Variants in WDR7 observed in about 807,000 individuals in gnomAD.
WDR7 encodes WD repeat domain 7, also known as WD repeat-containing protein 7.
In WDR7, 46 loss-of-function variants were observed where a neutral mutation model predicts 169.4. The observed-to-expected ratio is 0.27, with a 90% CI of 0.21 to 0.35. The LOEUF is 0.35. WDR7 is among the 10% of genes least tolerant of loss of function. The pLI is 1.00. For synonymous variants in WDR7, 612 were observed against 666.8 expected, an observed-to-expected ratio of 0.92 and a Z score of 1.27; for missense variants, 1,534 against 1,859.3, an observed-to-expected ratio of 0.83 and a Z score of 3.22.
intron 20 of WDR7, among the ~76,000 whole-genome samples, chr18:56,850,344 C>T (rs1294647595): frequency 6.6e-6 from 1 of 152,068 alleles, no homozygotes; most frequent in Non-Finnish European, 1.5e-5. Context: ...GCTGTGTAAC[C>T]CCATTCCATA....
chr18:56,701,245 T>C (rs1421682811), intron 12 of WDR7, among the ~76,000 whole-genome samples: 1 of 152,220 alleles, frequency 6.6e-6, no homozygotes, highest in African/African-American at 2.4e-5. Flanking sequence ...TTTGGTAAAC[T>C]ACTTGAAAAG....
At chr18:57,002,441 T>C (rs2047996516) in intron 26 of WDR7, among the ~76,000 whole-genome samples, 1 of 152,196 alleles carries the variant, frequency 6.6e-6, no homozygotes, top group African/African-American at 2.4e-5. Flanking sequence ...AGACTTTAGC[T>C]GCATACATTT....
At chr18:56,868,611 A>C (rs2045912595) in intron 20 of WDR7, among the ~76,000 whole-genome samples, 1 of 152,148 alleles carries the variant, frequency 6.6e-6, no homozygotes, top group African/African-American at 2.4e-5. Context: ...AGTAAATCTC[A>C]TTGCCAGAGT....
At chr18:56,728,134 A>G (rs550733289) in intron 13 of WDR7, among the ~76,000 whole-genome samples, 1 of 152,302 alleles carries the variant, frequency 6.6e-6, no homozygotes, top group Non-Finnish European at 1.5e-5. Flanking sequence ...TTCTCATTAC[A>G]TCTTATCAGT....
rs573834601 is a variant in WDR7 at position 56,819,720 on chromosome 18, C to T, written c.3304+3576C>T. ...GGAAATGTACTTTTCAATGACGTTG[C>T]TTTAGGATTTATAATACTCTGTATA... On this transcript the variant is annotated intron_variant, in intron 20 of 27. Transcript: ENST00000254442. Among the ~76,000 whole-genome samples, 8 of 152,058 alleles carry T rather than the reference C, an allele frequency of 5.3e-5. 1 individual carries two copies. The East Asian group carries it at 1.5e-3, about 29-fold the overall frequency.
At chr18:56,709,350 A>G (rs573676024) in intron 12 of WDR7, among the ~76,000 whole-genome samples, 1 of 152,338 alleles carries the variant, frequency 6.6e-6, no homozygotes, top group South Asian at 2.1e-4. Flanking sequence ...TAGATACCTA[A>G]ACTTCAGCAA....
intron 22 of WDR7, among the ~76,000 whole-genome samples, chr18:56,930,641 G>A (rs1178764439): frequency 6.6e-6 from 1 of 152,132 alleles, no homozygotes; most frequent in Non-Finnish European, 1.5e-5. Context: ...GTGAAATTGA[G>A]GACAAATATT....
chr18:56,966,426 A>G (rs2145786628), intron 26 of WDR7, among the ~76,000 whole-genome samples: 1 of 152,062 alleles, frequency 6.6e-6, no homozygotes, highest in East Asian at 1.9e-4. Context: ...GGCCTTTATG[A>G]TGACCCATTT....
intron 14 of WDR7, among the ~76,000 whole-genome samples, chr18:56,751,291 G>C (rs917129252): frequency 1.3e-5 from 2 of 152,164 alleles, no homozygotes; most frequent in Admixed American, 1.3e-4. Flanking sequence ...CCGAAAGCGG[G>C]CATGTGGGGT....
intron 21 of WDR7, among the ~76,000 whole-genome samples, chr18:56,888,340 C>T (rs1258968130): frequency 6.6e-6 from 1 of 152,340 alleles, no homozygotes; most frequent in Admixed American, 6.5e-5. Flanking sequence ...CTAGATTAGG[C>T]TAGTGTTACG....
rs757551227 is a variant in WDR7 at position 56,757,139 on chromosome 18, C to T, written c.2546C>T (p.Pro849Leu). The T allele has an allele frequency of 1.2e-5, 20 of 1,613,942 alleles. No individual in the cohort carries two copies. The highest frequency in any genetic ancestry group is 6.6e-5 in the South Asian group (6 of 91,078). ...SRGGHMSLML[P>L]GYNQPACKLS... ...GGAGGCCATATGTCACTGATGCTGC[C>T]GGGTTATAATCAGCCTGCTTGTAAA... Residue 849 changes from proline (P) to leucine (L), a missense_variant, in exon 15 of 28, where the codon CCG (proline) becomes CTG (leucine). Pro to Leu is a moderately conservative substitution (Grantham distance 98, BLOSUM62 -3). Transcript: ENST00000254442.
At chr18:56,988,914 G>C (rs1013470455) in intron 26 of WDR7, among the ~76,000 whole-genome samples, 3 of 151,934 alleles carry the variant, frequency 2.0e-5, no homozygotes, top group African/African-American at 7.3e-5. Flanking sequence ...CTTGTAAATT[G>C]ATTATATTTC....
In WDR7 at chr18:56,921,641, G is replaced by C. The variant is rs544153945; in HGVS notation, c.3527-2281G>C. Among the ~76,000 whole-genome samples the C allele has an allele frequency of 8.5e-5, 13 of 152,230 alleles. No homozygotes were observed. In the East Asian group the frequency reaches 2.5e-3, roughly 29 times the overall value. On this transcript the variant is annotated intron_variant, in intron 21 of 27. Transcript: ENST00000254442. ...ACTCTTGTGGCCCTTGTAGAGCCAG[G>C]GTCTTCTGAAAGGAGGGTCTTTTGA...
At chr18:56,984,460 A>C (rs1224927663) in intron 26 of WDR7, among the ~76,000 whole-genome samples, 2 of 152,160 alleles carry the variant, frequency 1.3e-5, no homozygotes, top group African/African-American at 2.4e-5. Flanking sequence ...TTTAGTTCTT[A>C]TTTACCCTTC....
intron 19 of WDR7, among the ~76,000 whole-genome samples, chr18:56,784,678 G>T (rs1311498736): frequency 6.6e-6 from 1 of 152,130 alleles, no homozygotes; most frequent in African/African-American, 2.4e-5. Context: ...ACAACAAAAT[G>T]GAGTCACAAA....
At chr18:56,890,232 A>G (rs1270265153) in intron 21 of WDR7, among the ~76,000 whole-genome samples, 1 of 152,192 alleles carries the variant, frequency 6.6e-6, no homozygotes, top group Non-Finnish European at 1.5e-5. Context: ...AATTCTGCCT[A>G]AGGGATATTG....
chr18:56,786,502 C>T (rs1313103034), intron 19 of WDR7, among the ~76,000 whole-genome samples: 1 of 151,402 alleles, frequency 6.6e-6, no homozygotes, highest in Non-Finnish European at 1.5e-5. Context: ...GCACTCCAGC[C>T]TGGGTGACAG....
At chr18:56,652,060 C>T (rs2024667196) in intron 1 of WDR7, among the ~76,000 whole-genome samples, 1 of 152,168 alleles carries the variant, frequency 6.6e-6, no homozygotes, top group Admixed American at 6.5e-5. Flanking sequence ...TATCCCTTTG[C>T]CCTAGTACTT....
chr18:56,938,484 A>G (rs766465827), intron 23 of WDR7, 49 bp from the exon 24 acceptor site: 17 of 1,584,838 alleles, frequency 1.1e-5, no homozygotes, highest in Admixed American at 2.0e-5. Flanking sequence ...CTAGAAATGT[A>G]AAACTATATC....
Sources: allele counts gnomAD v4.1 joint callset (sites outside exome capture counted in the v4.1 genomes callset), GRCh38; gene constraint gnomAD v4.1.1; transcripts MANE v1.5; gene names NCBI Gene and HGNC (gene_info 2026-07-23, HGNC 2026-07-21).